Variants in NFILZ observed in about 807,000 individuals in gnomAD.
NFILZ encodes NFIL3 like basic leucine zipper.
At chr19:8,644,111 GATTA>G (rs2042929546) in intron 3 of NFILZ, among the ~76,000 whole-genome samples, 1 of 152,038 alleles carries the variant, frequency 6.6e-6, no homozygotes, top group Non-Finnish European at 1.5e-5. Context: ...TTGATTGATT[GATTA>G]ATTGAGATGG....
intron 3 of NFILZ, among the ~76,000 whole-genome samples, chr19:8,667,182 G>C (rs997851322): frequency 2.0e-5 from 3 of 152,114 alleles, no homozygotes; most frequent in African/African-American, 7.2e-5. Context: ...AAGAAAACAG[G>C]AAAGAGGGAG....
intron 3 of NFILZ, among the ~76,000 whole-genome samples, chr19:8,663,911 G>A (rs2043049594): frequency 6.6e-6 from 1 of 152,028 alleles, no homozygotes; most frequent in South Asian, 2.1e-4. Flanking sequence ...GCTTGGCCTT[G>A]GATGGACACG....
chr19:8,663,816 G>A (rs1314570365), intron 3 of NFILZ, among the ~76,000 whole-genome samples: 1 of 150,136 alleles, frequency 6.7e-6, no homozygotes, highest in East Asian at 2.0e-4. Context: ...GCCTGAGTGG[G>A]GTCCAGCCAC....
chr19:8,663,525 A>G (rs982751916), intron 3 of NFILZ, among the ~76,000 whole-genome samples: 599 of 145,264 alleles, frequency 4.1e-3, no homozygotes, highest in South Asian at 9.7e-3. Context: ...ACTGCCATGA[A>G]CTGAGATGGG....
chr19:8,668,504 T>G (rs1376865801), intron 3 of NFILZ, among the ~76,000 whole-genome samples: 2 of 152,222 alleles, frequency 1.3e-5, no homozygotes, highest in Non-Finnish European at 2.9e-5. Context: ...CCTAACATAT[T>G]CATTGTACAG....
intron 3 of NFILZ, among the ~76,000 whole-genome samples, chr19:8,662,204 T>TA (rs113185976): frequency 0.011 from 1,477 of 133,478 alleles, 25 homozygotes; most frequent in South Asian, 0.025. Flanking sequence ...GACTCTGTCT[T>TA]AAAAAAAAAA....
At chr19:8,664,009 C>T (rs1334100112) in intron 3 of NFILZ, among the ~76,000 whole-genome samples, 1 of 151,980 alleles carries the variant, frequency 6.6e-6, no homozygotes, top group Non-Finnish European at 1.5e-5. Flanking sequence ...CTGAGGGGCC[C>T]GTTGGGCCAG....
At chr19:8,641,591 C>A (rs2042919547) in intron 3 of NFILZ, among the ~76,000 whole-genome samples, 1 of 152,148 alleles carries the variant, frequency 6.6e-6, no homozygotes, top group South Asian at 2.1e-4. Flanking sequence ...CATGGGGAAA[C>A]TGAGTCAAAA....
intron 3 of NFILZ, among the ~76,000 whole-genome samples, chr19:8,658,982 A>G (rs1305494415): frequency 6.6e-6 from 1 of 151,848 alleles, no homozygotes; most frequent in African/African-American, 2.4e-5. Context: ...GCCGTGGCTC[A>G]TGCCTGTAAT....
chr19:8,662,716 A>C (rs2043037604), intron 3 of NFILZ, among the ~76,000 whole-genome samples: 1 of 150,048 alleles, frequency 6.7e-6, no homozygotes, highest in Admixed American at 6.7e-5. Context: ...GGCTCACTGC[A>C]ACCTCCGCCT....
intron 3 of NFILZ, among the ~76,000 whole-genome samples, chr19:8,654,875 C>T (rs1875614096): frequency 6.6e-6 from 1 of 152,130 alleles, no homozygotes; most frequent in Non-Finnish European, 1.5e-5. Context: ...CATCGCAAGG[C>T]TCCCACTCTG....
At chr19:8,668,106 G>A (rs1187722475) in intron 3 of NFILZ, among the ~76,000 whole-genome samples, 15 of 151,364 alleles carry the variant, frequency 9.9e-5, no homozygotes, top group African/African-American at 3.6e-4. Context: ...ATGTGCCACC[G>A]TACCCAGCTA....
intron 3 of NFILZ, among the ~76,000 whole-genome samples, chr19:8,642,583 T>C (rs2042923548): frequency 6.6e-6 from 1 of 152,044 alleles, no homozygotes; most frequent in African/African-American, 2.4e-5. Flanking sequence ...TTGGATTGCT[T>C]CACTCATGAG....
chr19:8,637,000 A>G (rs1177810761), intron 3 of NFILZ, among the ~76,000 whole-genome samples: 1 of 152,174 alleles, frequency 6.6e-6, no homozygotes, highest in Non-Finnish European at 1.5e-5. Context: ...AGTGCGAATC[A>G]GGTGAGGTAT....
intron 3 of NFILZ, among the ~76,000 whole-genome samples, chr19:8,646,199 A>G (rs1568419013): frequency 2.0e-5 from 3 of 151,918 alleles, no homozygotes; most frequent in Non-Finnish European, 4.4e-5. Context: ...ACCACACCCA[A>G]CTAATTTTTA....
chr19:8,649,709 T>C (rs2042956753), intron 3 of NFILZ, among the ~76,000 whole-genome samples: 1 of 152,160 alleles, frequency 6.6e-6, no homozygotes, highest in Non-Finnish European at 1.5e-5. Flanking sequence ...TGCCTCACAT[T>C]GTCTGCAGAG....
At chr19:8,646,706 G>A (rs1246421475) in intron 3 of NFILZ, among the ~76,000 whole-genome samples, 8 of 152,226 alleles carry the variant, frequency 5.3e-5, no homozygotes, top group South Asian at 4.2e-4. Context: ...CTGTCCCCAC[G>A]TCACTCAGCC....
At chr19:8,650,254 A>C (rs985256068) in intron 3 of NFILZ, among the ~76,000 whole-genome samples, 4 of 152,106 alleles carry the variant, frequency 2.6e-5, no homozygotes, top group Non-Finnish European at 4.4e-5. Context: ...CAGAGCTCTC[A>C]TGTCCCCTGC....
chr19:8,658,226 G>A (rs1346302805), intron 3 of NFILZ, among the ~76,000 whole-genome samples: 1 of 152,128 alleles, frequency 6.6e-6, no homozygotes, highest in East Asian at 1.9e-4. Context: ...TCCGAGCCGG[G>A]AGCTCCTGGG....
Sources: allele counts gnomAD v4.1 joint callset (sites outside exome capture counted in the v4.1 genomes callset), GRCh38; gene constraint gnomAD v4.1.1; transcripts MANE v1.5; gene names NCBI Gene and HGNC (gene_info 2026-07-23, HGNC 2026-07-21).